The following GRIP1 variants were observed in gnomAD, a reference collection of about 807,000 sequenced individuals.
GRIP1 encodes the protein glutamate receptor-interacting protein 1.
GRIP1 carries 45 observed loss-of-function variants against 129.9 expected under a neutral mutation model. That is an observed-to-expected ratio of 0.35 (90% CI 0.27 to 0.44). GRIP1 has a LOEUF of 0.44. GRIP1 is among the 20% of genes least tolerant of loss of function. The pLI is 1.00. For missense variants in GRIP1, 1,196 were observed against 1,396.8 expected, an observed-to-expected ratio of 0.86 and a Z score of 2.29; for synonymous variants, 530 against 520.8, an observed-to-expected ratio of 1.02 and a Z score of -0.24.
chr12:66,632,545 T>A (rs916916313), intron 1 of GRIP1, among the ~76,000 whole-genome samples: 2 of 152,176 alleles, frequency 1.3e-5, no homozygotes, highest in African/African-American at 4.8e-5. Context: ...CTTTTTCCAG[T>A]GAGAACCAAA....
intron 7 of GRIP1, among the ~76,000 whole-genome samples, chr12:66,473,615 C>T (rs566155650): frequency 1.2e-4 from 19 of 152,256 alleles, no homozygotes; most frequent in East Asian, 9.7e-4. Flanking sequence ...CCCTCTGGGA[C>T]GAAGCTTCCA....
At position 66,955,586 on chromosome 12, in the gene GRIP1, C is replaced by A. The variant is rs530352570; in HGVS notation, c.58+113464G>T. Among the ~76,000 whole-genome samples, 4 of 147,480 alleles carry A rather than the reference C, an allele frequency of 2.7e-5. No individual in the cohort carries two copies. The South Asian group carries it at 8.6e-4, about 32-fold the overall frequency. ...GCAGTGGTGCAATCTCGGCTCACTG[C>A]AACCTCCACCTCCCAGGTTCAAGAG... On this transcript the variant is annotated intron_variant, in intron 1 of 1. Transcript: ENST00000643019.
chr12:66,403,540 T>C (rs1253871422), intron 16 of GRIP1, among the ~76,000 whole-genome samples: 1 of 152,140 alleles, frequency 6.6e-6, no homozygotes, highest in African/African-American at 2.4e-5. Context: ...TTTCAAAGAG[T>C]GATCTTTTAT....
intron 1 of GRIP1, among the ~76,000 whole-genome samples, chr12:66,851,724 G>T (rs1182873081): frequency 6.6e-6 from 1 of 151,958 alleles, no homozygotes; most frequent in Non-Finnish European, 1.5e-5. Flanking sequence ...GTGGAAACTG[G>T]GTAACTTAAC....
At position 67,049,889 on chromosome 12, in the gene GRIP1, G is replaced by C. The variant is rs562326840; in HGVS notation, c.58+19161C>G. Among the ~76,000 whole-genome samples the C allele has an allele frequency of 9.3e-5, 14 of 150,400 alleles. No individual in the cohort carries two copies. In the South Asian group the frequency reaches 2.7e-3, roughly 29 times the overall value. ...TGGTGATAATGGATGCTTAGTATTTGTCAAATTAATAAATAATTGGTAAAA... is the reference window on the plus strand; with the variant it reads ...TGGTGATAATGGATGCTTAGTATTTCTCAAATTAATAAATAATTGGTAAAA... On this transcript the variant is annotated intron_variant, in intron 1 of 1. Coordinates refer to the GRIP1 transcript ENST00000643019.
chr12:66,478,541 G>A (rs1243724196), intron 7 of GRIP1, among the ~76,000 whole-genome samples: 3 of 152,094 alleles, frequency 2.0e-5, no homozygotes, highest in Non-Finnish European at 4.4e-5. Context: ...TATACCCAAA[G>A]GATTATAAAT....
chr12:66,453,734 A>G (rs1049307394), intron 11 of GRIP1, among the ~76,000 whole-genome samples: 1 of 152,196 alleles, frequency 6.6e-6, no homozygotes, highest in African/African-American at 2.4e-5. Flanking sequence ...AGTCTTCACA[A>G]TTACCCAATG....
chr12:66,732,063 T>G (rs1592787293), intron 1 of GRIP1, among the ~76,000 whole-genome samples: 1 of 152,222 alleles, frequency 6.6e-6, no homozygotes, highest in East Asian at 1.9e-4. Flanking sequence ...AATTGACCCT[T>G]GAATAACACG....
At chr12:66,655,130 T>G (rs919255426) in intron 1 of GRIP1, among the ~76,000 whole-genome samples, 1 of 152,198 alleles carries the variant, frequency 6.6e-6, no homozygotes, top group African/African-American at 2.4e-5. Flanking sequence ...CTACTCTGGA[T>G]CAACTTCTCC....
chr12:66,962,066 A>C (rs1321413049), intron 1 of GRIP1, among the ~76,000 whole-genome samples: 2 of 152,132 alleles, frequency 1.3e-5, no homozygotes, highest in Non-Finnish European at 2.9e-5. Flanking sequence ...CCTTACTCAA[A>C]TAGCATATAT....
intron 1 of GRIP1, among the ~76,000 whole-genome samples, chr12:67,011,677 C>T (rs11176533): frequency 0.27 from 40,307 of 151,864 alleles, 5,463 homozygotes; most frequent in East Asian, 0.41. Context: ...TCACTTACTG[C>T]CCAGTCTAAA....
intron 15 of GRIP1, among the ~76,000 whole-genome samples, chr12:66,412,927 C>A (rs1170820253): frequency 6.6e-6 from 1 of 152,094 alleles, no homozygotes; most frequent in Non-Finnish European, 1.5e-5. Context: ...AATATATATG[C>A]CCCTAATACA....
chr12:66,582,533 A>C (rs962253892), intron 2 of GRIP1, among the ~76,000 whole-genome samples: 1 of 143,998 alleles, frequency 6.9e-6, no homozygotes, highest in African/African-American at 2.6e-5. Context: ...AAATCTCCTT[A>C]AGCTGATAAG....
At chr12:66,533,223 A>T (rs956844154) in intron 4 of GRIP1, among the ~76,000 whole-genome samples, 1 of 152,038 alleles carries the variant, frequency 6.6e-6, no homozygotes, top group Admixed American at 6.5e-5. Flanking sequence ...TTTAATTGAG[A>T]CAGGGTCTTT....
chr12:67,032,127 G>A (rs771545720), intron 1 of GRIP1, among the ~76,000 whole-genome samples: 2 of 152,012 alleles, frequency 1.3e-5, no homozygotes, highest in African/African-American at 2.4e-5. Flanking sequence ...TAGGCTTTTC[G>A]TTGTCTTAGA....
chr12:66,478,293 G>A (rs2059687197), intron 7 of GRIP1, among the ~76,000 whole-genome samples: 1 of 152,174 alleles, frequency 6.6e-6, no homozygotes, highest in Non-Finnish European at 1.5e-5. Context: ...ATCATCACTG[G>A]CCATCAGAGA....
intron 16 of GRIP1, among the ~76,000 whole-genome samples, chr12:66,402,764 A>G (rs1258552379): frequency 1.3e-5 from 2 of 152,240 alleles, no homozygotes; most frequent in Non-Finnish European, 1.5e-5. Flanking sequence ...CATGACAACT[A>G]TTTAATGTGA....
At chr12:66,672,108 CATA>C (rs1309631876) in intron 1 of GRIP1, among the ~76,000 whole-genome samples, 14 of 152,088 alleles carry the variant, frequency 9.2e-5, no homozygotes, top group African/African-American at 2.7e-4. Context: ...TATTAAAAAG[CATA>C]ATAATTTGTA....
At chr12:66,590,691 G>A (rs1475837682) in intron 2 of GRIP1, among the ~76,000 whole-genome samples, 1 of 152,154 alleles carries the variant, frequency 6.6e-6, no homozygotes, top group East Asian at 1.9e-4. Flanking sequence ...GGACTGCACA[G>A]ACATTTTCTG....
Sources: gnomAD v4.1 joint callset for allele counts (sites outside exome capture counted in the v4.1 genomes callset) on GRCh38, gnomAD v4.1.1 for gene constraint, MANE v1.5 for transcripts, NCBI Gene and HGNC (gene_info 2026-07-23, HGNC 2026-07-21) for gene names.